Variants in CYFIP1 observed in about 807,000 individuals in gnomAD.
CYFIP1 encodes the protein cytoplasmic FMR1-interacting protein 1.
Under a neutral mutation model 163.5 loss-of-function variants are expected in CYFIP1, and 58 were observed. The observed-to-expected ratio is 0.35, with a 90% CI of 0.29 to 0.44. CYFIP1 has a LOEUF of 0.44. CYFIP1 is among the 20% of genes least tolerant of loss of function. CYFIP1 has a pLI of 1.00. For missense variants in CYFIP1, 1,338 were observed against 1,653.8 expected, an observed-to-expected ratio of 0.81 and a Z score of 3.31; for synonymous variants, 663 against 660.7, an observed-to-expected ratio of 1.00 and a Z score of -0.05.
chr15:22,904,321 C>T (rs986292735), intron 21 of CYFIP1: 2 of 256,490 alleles, frequency 7.8e-6, no homozygotes, highest in South Asian at 4.9e-5. Context: ...CTGAAAGGCA[C>T]GTGTGGGTGG....
intron 23 of CYFIP1, 141 bp from the exon 24 acceptor site, chr15:22,883,152 A>T (rs183624759): frequency 3.3e-6 from 3 of 915,756 alleles, no homozygotes; most frequent in Non-Finnish European, 4.7e-6. Context: ...ACTGCCCTTA[A>T]CTGGTACAGT....
rs192165062 is a variant in CYFIP1 at position 22,878,383 on chromosome 15, C to T, written c.3042+1530G>A. Among the ~76,000 whole-genome samples, 347 of 152,162 alleles carry T rather than the reference C, an allele frequency of 2.3e-3. 7 individuals are homozygous for T. The highest frequency in any genetic ancestry group is 9.3e-3 in the South Asian group (45 of 4,820). ...TGTGGCAGAAAGCCAGGAGACAGGC[C>T]GGTGTGCCCATGAAAAGCTGGCAGA... On this transcript the variant is annotated intron_variant, in intron 26 of 30. Coordinates refer to ENST00000617928, the MANE Select transcript of CYFIP1 (RefSeq NM_014608.6).
At chr15:22,907,352 C>A (rs1275920587) in intron 21 of CYFIP1, among the ~76,000 whole-genome samples, 1 of 152,154 alleles carries the variant, frequency 6.6e-6, no homozygotes, top group Non-Finnish European at 1.5e-5. Context: ...AGCGTTGGCA[C>A]AGGGGTGCCA....
At chr15:22,926,691 T>C (rs777540216) in intron 12 of CYFIP1, among the ~76,000 whole-genome samples, 13 of 152,242 alleles carry the variant, frequency 8.5e-5, no homozygotes, top group Admixed American at 2.0e-4. Context: ...ACAAAAGACA[T>C]TGATGGCTGG....
At chr15:22,938,378 G>A (rs1567000425) in intron 8 of CYFIP1, among the ~76,000 whole-genome samples, 1 of 152,088 alleles carries the variant, frequency 6.6e-6, no homozygotes, top group Admixed American at 6.5e-5. Context: ...GACAAGGCAA[G>A]AAGATTGCTT....
At chr15:22,951,560 C>T in intron 1 of CYFIP1, 1 of 1,286,732 alleles carries the variant, frequency 7.8e-7, no homozygotes, top group Non-Finnish European at 1.0e-6. Flanking sequence ...CAGAGTCCCG[C>T]AGTCTGCCCT....
intron 6 of CYFIP1, 105 bp from the exon 7 acceptor site, chr15:22,939,612 C>A (rs56238917): frequency 0.18 from 161,667 of 877,272 alleles, 17,146 homozygotes; most frequent in African/African-American, 0.35. Context: ...CTTTCCCCTA[C>A]AGTCATCTGC....
At chr15:22,912,077 T>G in intron 18 of CYFIP1, 102 bp downstream of exon 18, 1 of 1,081,192 alleles carries the variant, frequency 9.2e-7, no homozygotes, top group Non-Finnish European at 1.3e-6. Flanking sequence ...TGGTTTATAC[T>G]GTCTTATATT....
chr15:22,980,369 G>A (rs1466317209), upstream of CYFIP1: 5 of 151,772 alleles, frequency 3.3e-5, no homozygotes, highest in Non-Finnish European at 7.4e-5. Flanking sequence ...GGCCGGGAAT[G>A]CGCCAGGAAA....
Position 22,944,922 on chromosome 15 carries a change from C to G in CYFIP1, c.225G>C (p.Glu75Asp). 3 of 1,614,104 alleles carry G rather than the reference C, an allele frequency of 1.9e-6. No homozygotes were observed. The highest frequency in any genetic ancestry group is 2.5e-6 in the Non-Finnish European group (3 of 1,179,996). Residue 75 changes from glutamate to aspartate, a missense_variant, in exon 4 of 31, where the codon GAG becomes GAC. Glu to Asp is a conservative substitution (Grantham distance 45). This residue lies in a region of CYFIP1 where 186 missense variants were observed against 288.3 expected (regional missense o/e 0.65). Coordinates refer to ENST00000617928, the MANE Select transcript of CYFIP1 (RefSeq NM_014608.6). ...VHSSMNEMLE[E>D]GQEYAVMLYT... The stretch of plus-strand genomic sequence containing the variant: ...ACAGCATGACAGCATATTCTTGGCC[C>G]TCCTCCAGCATCTCGTTCTGCAATG...
intron 26 of CYFIP1, among the ~76,000 whole-genome samples, chr15:22,875,999 AG>A (rs1237779197): frequency 6.6e-6 from 1 of 150,746 alleles, no homozygotes; most frequent in African/African-American, 2.5e-5. Flanking sequence ...TCATCTTTAG[AG>A]GTGAGGGCTC....
intron 6 of CYFIP1, among the ~76,000 whole-genome samples, chr15:22,941,842 T>C (rs2061902931): frequency 6.6e-6 from 1 of 152,130 alleles, no homozygotes; most frequent in South Asian, 2.1e-4. Flanking sequence ...CACACAACTT[T>C]TAAATACTTT....
chr15:22,881,327 CA>C (rs1376321456), intron 25 of CYFIP1, among the ~76,000 whole-genome samples: 2 of 152,222 alleles, frequency 1.3e-5, no homozygotes, highest in African/African-American at 4.8e-5. Context: ...AGGTCCCTGT[CA>C]TACAATTTTA....
intron 9 of CYFIP1, among the ~76,000 whole-genome samples, chr15:22,935,804 G>A (rs1378294370): frequency 6.6e-6 from 1 of 152,138 alleles, no homozygotes; most frequent in Non-Finnish European, 1.5e-5. Context: ...AAAAAAAATG[G>A]TGTGTTAGGT....
intron 23 of CYFIP1, among the ~76,000 whole-genome samples, chr15:22,889,306 A>G (rs1403272462): frequency 1.3e-5 from 2 of 152,214 alleles, no homozygotes; most frequent in Admixed American, 1.3e-4. Context: ...GCCCATGCAC[A>G]CAGGGCAGCA....
rs151106641 is a variant in CYFIP1 at position 22,871,271 on chromosome 15, A to G, written c.3598-1079T>C. On this transcript the variant is annotated intron_variant, in intron 30 of 30. Coordinates refer to ENST00000617928, the MANE Select transcript of CYFIP1 (RefSeq NM_014608.6). ...AAGGCCTTCAGATACTAGAAGGAAA[A>G]CACACAGAATATAGAATACATGAAT... is the stretch of plus-strand genomic sequence containing the variant. Among the ~76,000 whole-genome samples the G allele has an allele frequency of 9.5e-3, 1,453 of 152,364 alleles. 28 individuals are homozygous for G. Among genetic ancestry groups the G allele is most frequent in the African/African-American group, 0.033 (1,352 of 41,578 alleles).
intron 1 of CYFIP1, among the ~76,000 whole-genome samples, chr15:22,974,558 TC>T (rs11318674): frequency 0.28 from 41,898 of 151,992 alleles, 5,957 homozygotes; most frequent in East Asian, 0.33. Flanking sequence ...TGAAACCCCT[TC>T]CTCTACTAAA....
intron 17 of CYFIP1, among the ~76,000 whole-genome samples, chr15:22,914,501 A>C (rs1207578800): frequency 1.3e-5 from 2 of 151,806 alleles, no homozygotes; most frequent in African/African-American, 4.8e-5. Context: ...TCCATAGCTC[A>C]ATGCAGCCAC....
In CYFIP1 at chr15:22,870,115, G is replaced by A; in HGVS notation, c.3675C>T (p.Tyr1225=). The change falls in exon 31 of 31, where the codon TAC becomes TAT. Residue 1225 remains tyrosine, a synonymous_variant. Coordinates refer to ENST00000617928, the MANE Select transcript of CYFIP1 (RefSeq NM_014608.6). ...NDEIITILDK[Y]LKSGDGEGTP... ...TGCCCTCCCCGTCGCCTGACTTCAG[G>A]TACTTATCCAGGATGGTGATGATCT... 1 of 1,613,034 alleles carries A rather than the reference G, an allele frequency of 6.2e-7. No homozygotes were observed. The highest frequency in any genetic ancestry group is 8.5e-7 in the Non-Finnish European group (1 of 1,179,606).
Sources: allele counts gnomAD v4.1 joint callset (sites outside exome capture counted in the v4.1 genomes callset), GRCh38; gene constraint gnomAD v4.1.1; regional missense constraint gnomAD v4.1.1; transcripts MANE v1.5; gene names NCBI Gene and HGNC (gene_info 2026-07-23, HGNC 2026-07-21).